Variants in CTSO observed in about 807,000 individuals in gnomAD.
CTSO encodes cathepsin O.
A neutral mutation model predicts 42.4 loss-of-function variants in CTSO; 40 were observed. The ratio of observed to expected loss-of-function variants is 0.94; its 90% CI spans 0.73 to 1.23. CTSO has a LOEUF of 1.23. Among genes scored for constraint, CTSO ranks in the 50% most tolerant of loss-of-function variants. The pLI, the probability that CTSO is intolerant of heterozygous loss-of-function variation, is 0.00. For missense variants in CTSO, 441 were observed against 396.0 expected, an observed-to-expected ratio of 1.11 and a Z score of -0.96; for synonymous variants, 156 against 146.2, an observed-to-expected ratio of 1.07 and a Z score of -0.48.
At chr4:155,935,422 A>G (rs139420001) in intron 5 of CTSO, among the ~76,000 whole-genome samples, 1 of 151,970 alleles carries the variant, frequency 6.6e-6, no homozygotes. Flanking sequence ...AACATGCCAG[A>G]CATGTTTTTG....
chr4:155,929,594 G>A lies in CTSO; in HGVS notation c.786C>T (p.Cys262=), dbSNP rs1007955798. 3.1e-6 allele frequency: 5 copies of A among 1,613,834 alleles called. No homozygotes were observed. In the South Asian group the frequency reaches 3.3e-5, roughly 11 times the overall value. Reference sequence around the variant, plus strand: ...CTGCATGATTTGCTTCTCCACTAGAGCAGTGATGCTGTATAATGCCTCCCA... The same window carrying A: ...CTGCATGATTTGCTTCTCCACTAGAACAGTGATGCTGTATAATGCCTCCCA... ...DYLGGIIQHH[C]SSGEANHAVL... The change falls in exon 6 of 8, where the codon TGC becomes TGT. Residue 262 remains cysteine, a synonymous_variant. Coordinates refer to ENST00000433477, the MANE Select transcript of CTSO (RefSeq NM_001334.3).
chr4:155,927,593 C>T (rs1743151690), intron 7 of CTSO, among the ~76,000 whole-genome samples: 1 of 152,056 alleles, frequency 6.6e-6, no homozygotes, highest in South Asian at 2.1e-4. Context: ...CACGGTGAAA[C>T]CTCGTCTCTA....
chr4:155,948,758 T>A (rs1743592484), intron 1 of CTSO, among the ~76,000 whole-genome samples: 1 of 152,210 alleles, frequency 6.6e-6, no homozygotes, highest in Admixed American at 6.5e-5. Context: ...CCCTCTTACC[T>A]TTCCAGCTGT....
At chr4:155,941,443 C>G (rs1011376425) in intron 3 of CTSO, among the ~76,000 whole-genome samples, 2 of 152,344 alleles carry the variant, frequency 1.3e-5, no homozygotes, top group African/African-American at 4.8e-5. Context: ...AAAGGCACCT[C>G]CTTCCACCAC....
chr4:155,939,605 G>A lies in CTSO; in HGVS notation c.385-67C>T, dbSNP rs1356867159. On this transcript the variant is annotated intron_variant, in intron 3 of 7. Coordinates refer to ENST00000433477, the MANE Select transcript of CTSO (RefSeq NM_001334.3). The stretch of plus-strand genomic sequence containing the variant: ...AATCAACTTACCAACATCTCTAAAT[G>A]TAACAAGTTATCAAATCAAGTAAGG... The A allele has an allele frequency of 5.1e-6, 7 of 1,378,836 alleles. No individual in the cohort carries two copies. The African/African-American group carries it at 1.0e-4, about 20-fold the overall frequency. 85.4% of individuals were successfully genotyped at this position (1,378,836 alleles called of 1,614,324 possible).
intron 3 of CTSO, 32 bp from the exon 4 acceptor site, chr4:155,939,570 C>T (rs1279696093): frequency 6.3e-7 from 1 of 1,576,892 alleles, no homozygotes; most frequent in African/African-American, 1.4e-5. Flanking sequence ...GGTGGTATTT[C>T]CAGGGTTTAA....
chr4:155,935,611 T>C (rs922040752), intron 5 of CTSO, among the ~76,000 whole-genome samples: 5 of 152,134 alleles, frequency 3.3e-5, no homozygotes, highest in Non-Finnish European at 4.4e-5. Context: ...AGATCGTTTC[T>C]CTTCCTCCCA....
chr4:155,949,455 A>G (rs1245205691), intron 1 of CTSO, among the ~76,000 whole-genome samples: 1 of 152,176 alleles, frequency 6.6e-6, no homozygotes, highest in Non-Finnish European at 1.5e-5. Flanking sequence ...TTCCCTTACA[A>G]TGAATCCCAT....
intron 4 of CTSO, among the ~76,000 whole-genome samples, chr4:155,938,453 T>C (rs1743369613): frequency 6.6e-6 from 1 of 152,168 alleles, no homozygotes; most frequent in African/African-American, 2.4e-5. Flanking sequence ...TTGGCAAATT[T>C]CATGCAGTTG....
At chr4:155,949,572 C>A (rs1743609133) in intron 1 of CTSO, among the ~76,000 whole-genome samples, 1 of 152,170 alleles carries the variant, frequency 6.6e-6, no homozygotes, top group Non-Finnish European at 1.5e-5. Flanking sequence ...CTTGCAGTTC[C>A]ATTACTCAGA....
intron 5 of CTSO, among the ~76,000 whole-genome samples, chr4:155,933,750 C>T (rs963527816): frequency 5.9e-5 from 9 of 152,124 alleles, no homozygotes; most frequent in Non-Finnish European, 1.2e-4. Context: ...TTTGCCACTG[C>T]CCTAGAGATT....
Position 155,953,795 on chromosome 4 carries a change from C to G in CTSO, c.53G>C (p.Arg18Pro). 1.5e-6 allele frequency: 2 copies of G among 1,350,322 alleles called. No individual in the cohort carries two copies. The highest frequency in any genetic ancestry group is 1.8e-5 in the South Asian group (1 of 54,240). The allele number at this position is 1,350,322 out of a possible 1,614,324, so 83.6% of individuals were successfully genotyped here. A position where few individuals can be genotyped will look rare whatever the true frequency, so the allele number is the denominator to read the frequency against. Reference sequence around the variant, plus strand: ...GCGGGAGTCCGCATCGCCGCCGCCCCGGCACAGCAGCCACAGCAGCCACGG... The same window carrying G: ...GCGGGAGTCCGCATCGCCGCCGCCCGGGCACAGCAGCCACAGCAGCCACGG... ...WLPWLLWLLC[R>P]GGGDADSRAP... Residue 18 changes from arginine to proline, a missense_variant, in exon 1 of 8, where the codon CGG (arginine) becomes CCG (proline). Physicochemically the swap from Arg to Pro is moderately radical, Grantham distance 103 (BLOSUM62 -2). Transcript: ENST00000433477.
At chr4:155,945,626 A>T (rs1743529636) in intron 1 of CTSO, among the ~76,000 whole-genome samples, 1 of 152,244 alleles carries the variant, frequency 6.6e-6, no homozygotes. Context: ...AAAATCAAGA[A>T]GAAGGGAATA....
In CTSO at chr4:155,939,575, G is replaced by A. The variant is rs112071956; in HGVS notation, c.385-37C>T. On this transcript the variant is annotated intron_variant, in intron 3 of 7. Coordinates refer to ENST00000433477, the MANE Select transcript of CTSO (RefSeq NM_001334.3). ...CAGAAAAAGGGGTGGTATTTCCAGG[G>A]TTTAAATCAACTTACCAACATCTCT... The A allele has an allele frequency of 3.5e-5, 55 of 1,560,188 alleles. No individual in the cohort carries two copies. The Middle Eastern group carries it at 1.0e-3, about 30-fold the overall frequency.
Position 155,925,331 on chromosome 4 carries a change from A to C in CTSO, c.*705T>G, listed in dbSNP as rs1238433546. ...ATGATCTATTGGATTCCTATTCACA[A>C]TGAAAATTATCAAACAATAATTTGT... On this transcript the variant is annotated 3_prime_UTR_variant, in exon 8 of 8. Transcript: ENST00000433477. 6.6e-6 allele frequency: 1 copy of C among 152,250 alleles called. No homozygotes were observed. Among genetic ancestry groups the C allele is most frequent in the African/African-American group, 2.4e-5 (1 of 41,468 alleles). The allele number at this position is 152,250 out of a possible 1,614,324, so 9.4% of individuals were successfully genotyped here. A position where few individuals can be genotyped will look rare whatever the true frequency, so the allele number is the denominator to read the frequency against.
intron 6 of CTSO, among the ~76,000 whole-genome samples, chr4:155,928,644 A>T (rs1743173862): frequency 6.6e-6 from 1 of 152,232 alleles, no homozygotes; most frequent in African/African-American, 2.4e-5. Context: ...TATATGTTTG[A>T]ATTCACTTCC....
At chr4:155,934,542 C>A (rs980271093) in intron 5 of CTSO, among the ~76,000 whole-genome samples, 2 of 152,196 alleles carry the variant, frequency 1.3e-5, no homozygotes, top group Non-Finnish European at 1.5e-5. Context: ...ACCGTGAAAG[C>A]AGCCAGGAGG....
intron 7 of CTSO, 95 bp from the exon 8 acceptor site, chr4:155,926,165 T>C (rs930428082): frequency 2.5e-6 from 2 of 813,584 alleles, no homozygotes; most frequent in Admixed American, 3.0e-5. Context: ...TCAGAAAGAG[T>C]ATCTACTGAG....
chr4:155,941,337 C>A (rs781239552), intron 3 of CTSO, among the ~76,000 whole-genome samples: 2 of 152,094 alleles, frequency 1.3e-5, no homozygotes, highest in Non-Finnish European at 2.9e-5. Flanking sequence ...AAAGTATGCA[C>A]ACACCCCTCA....
Sources: allele counts gnomAD v4.1 joint callset (sites outside exome capture counted in the v4.1 genomes callset), GRCh38; gene constraint gnomAD v4.1.1; transcripts MANE v1.5; gene names NCBI Gene and HGNC (gene_info 2026-07-23, HGNC 2026-07-21).